SLC8A1: variants seen among roughly 807,000 people sequenced by gnomAD.
SLC8A1 encodes the protein sodium/calcium exchanger 1.
Under a neutral mutation model 68.3 loss-of-function variants are expected in SLC8A1, and 18 were observed. That is an observed-to-expected ratio of 0.26 (90% confidence interval 0.18 to 0.39). The LOEUF (loss-of-function observed/expected upper bound fraction) is 0.39. Ranked by LOEUF, SLC8A1 falls within the 10% of genes least tolerant of loss-of-function variation. The pLI, the probability that SLC8A1 is intolerant of heterozygous loss-of-function variation, is 1.00. For synonymous variants in SLC8A1, 475 were observed against 415.5 expected, an observed-to-expected ratio of 1.14 and a Z score of -1.74; for missense variants, 985 against 1,156.7, an observed-to-expected ratio of 0.85 and a Z score of 2.15.
At chr2:40,103,455 A>T (rs1471388386) in exon 8 of SLC8A1, 2 of 151,988 alleles carry the variant, frequency 1.3e-5, no homozygotes, top group South Asian at 2.1e-4. Flanking sequence ...TAGCAGATGA[A>T]TTTTTTCTCA....
chr2:40,182,035 T>A (rs2049671355), intron 2 of SLC8A1, among the ~76,000 whole-genome samples: 1 of 152,186 alleles, frequency 6.6e-6, no homozygotes, highest in South Asian at 2.1e-4. Flanking sequence ...TTGGCCCCAT[T>A]GCCACACCAA....
intron 2 of SLC8A1, among the ~76,000 whole-genome samples, chr2:40,355,693 T>C (rs1672453921): frequency 6.6e-6 from 1 of 152,150 alleles, no homozygotes; most frequent in Admixed American, 6.5e-5. Context: ...CTTTAATTTG[T>C]AGTCCATGCA....
intron 1 of SLC8A1, among the ~76,000 whole-genome samples, chr2:40,451,307 C>T (rs1177582662): frequency 6.6e-6 from 1 of 152,140 alleles, no homozygotes; most frequent in East Asian, 1.9e-4. Context: ...ACCCCGCAGC[C>T]CACTCCCTGC....
chr2:40,251,797 C>G (rs1448661710), intron 2 of SLC8A1: 1 of 152,144 alleles, frequency 6.6e-6, no homozygotes, highest in Non-Finnish European at 1.5e-5. Flanking sequence ...TGACTTTCGT[C>G]TCTCTATTCT....
intron 6 of SLC8A1, among the ~76,000 whole-genome samples, chr2:40,140,154 G>T (rs188214790): frequency 1.6e-4 from 25 of 152,302 alleles, no homozygotes; most frequent in Admixed American, 1.3e-3. Context: ...ACACAGGGCC[G>T]TTAATCATGG....
intron 2 of SLC8A1, among the ~76,000 whole-genome samples, chr2:40,309,502 C>CTTTTTTTTTTTTTTTTTTTTTT (rs34863585): frequency 8.1e-6 from 1 of 123,290 alleles, no homozygotes; most frequent in Non-Finnish European, 1.7e-5. Flanking sequence ...GAATATTTTA[C>CTTTTTTTTTTTTTTTTTTTTTT]TTTTTTTTTT....
intron 2 of SLC8A1, among the ~76,000 whole-genome samples, chr2:40,234,937 C>T (rs1234886303): frequency 6.6e-6 from 1 of 151,986 alleles, no homozygotes; most frequent in African/African-American, 2.4e-5. Flanking sequence ...GCCTTGCATC[C>T]CAGGGATGAA....
chr2:40,343,196 G>C (rs1668246354), intron 2 of SLC8A1, among the ~76,000 whole-genome samples: 1 of 152,002 alleles, frequency 6.6e-6, no homozygotes, highest in South Asian at 2.1e-4. Context: ...GCCTCTAAGA[G>C]TTTTTGCTGT....
At chr2:40,438,206 T>C (rs1213122150) in intron 1 of SLC8A1, among the ~76,000 whole-genome samples, 1 of 152,152 alleles carries the variant, frequency 6.6e-6, no homozygotes, top group Non-Finnish European at 1.5e-5. Context: ...TTCTTTCACA[T>C]AATAATTGTT....
chr2:40,308,794 G>A (rs993038651), intron 2 of SLC8A1, among the ~76,000 whole-genome samples: 2 of 152,116 alleles, frequency 1.3e-5, no homozygotes, highest in African/African-American at 4.8e-5. Flanking sequence ...CACTGAGAAC[G>A]CTGCAAAGGG....
intron 2 of SLC8A1, among the ~76,000 whole-genome samples, chr2:40,277,093 G>A (rs1243683004): frequency 2.0e-5 from 3 of 152,198 alleles, no homozygotes; most frequent in Non-Finnish European, 2.9e-5. Flanking sequence ...TGCAAGAATA[G>A]AGGAAGAGAA....
chr2:40,406,380 T>C (rs986183883), intron 2 of SLC8A1, among the ~76,000 whole-genome samples: 5 of 152,190 alleles, frequency 3.3e-5, no homozygotes, highest in African/African-American at 9.6e-5. Flanking sequence ...GCCATTTTAA[T>C]AGTTCTATTA....
chr2:40,401,567 C>CAAAAAAAAAAAAAAA (rs3060361), intron 2 of SLC8A1, among the ~76,000 whole-genome samples: 7 of 94,094 alleles, frequency 7.4e-5, no homozygotes, highest in Admixed American at 1.3e-4. Context: ...ATAGGCCAGT[C>CAAAAAAAAAAAAAAA]AAAAAAAAAA....
chr2:40,440,696 T>C (rs1700299791), intron 1 of SLC8A1, among the ~76,000 whole-genome samples: 2 of 152,152 alleles, frequency 1.3e-5, no homozygotes, highest in Non-Finnish European at 2.9e-5. Context: ...ATTATCTCAA[T>C]AGACGCAGAA....
At chr2:40,261,026 T>A (rs576129355) in intron 2 of SLC8A1, among the ~76,000 whole-genome samples, 29 of 152,158 alleles carry the variant, frequency 1.9e-4, no homozygotes, top group Non-Finnish European at 3.5e-4. Context: ...CTCCTACAGT[T>A]TTTCTTTACA....
chr2:40,320,900 G>T (rs564524195), intron 2 of SLC8A1, among the ~76,000 whole-genome samples: 1 of 152,056 alleles, frequency 6.6e-6, no homozygotes, highest in Non-Finnish European at 1.5e-5. Flanking sequence ...AGCCAATTTG[G>T]CTGTGAGTTA....
At chr2:40,127,416 C>G (rs1049621238) in intron 7 of SLC8A1, among the ~76,000 whole-genome samples, 1 of 152,198 alleles carries the variant, frequency 6.6e-6, no homozygotes, top group African/African-American at 2.4e-5. Context: ...GAACTGCAGT[C>G]TTCTAATGTG....
chr2:40,247,813 A>C (rs886812979), intron 2 of SLC8A1, among the ~76,000 whole-genome samples: 1 of 152,202 alleles, frequency 6.6e-6, no homozygotes, highest in Non-Finnish European at 1.5e-5. Flanking sequence ...TATGCACAGA[A>C]GTTAAGTGAC....
intron 2 of SLC8A1, among the ~76,000 whole-genome samples, chr2:40,238,548 C>T (rs2060760294): frequency 6.6e-6 from 1 of 152,184 alleles, no homozygotes; most frequent in South Asian, 2.1e-4. Context: ...GATGGAAATG[C>T]AGAAATCGCC....
Sources: allele counts gnomAD v4.1 joint callset (sites outside exome capture counted in the v4.1 genomes callset), GRCh38; gene constraint gnomAD v4.1.1; transcripts MANE v1.5; gene names NCBI Gene and HGNC (gene_info 2026-07-23, HGNC 2026-07-21).